Variants in AKAP6 observed in about 807,000 individuals in gnomAD.
AKAP6 encodes A-kinase anchoring protein 6, also known as A-kinase anchor protein 6.
AKAP6 carries 58 observed loss-of-function variants against 188.5 expected under a neutral mutation model. That is an observed-to-expected ratio of 0.31 (90% CI 0.25 to 0.38). The LOEUF (loss-of-function observed/expected upper bound fraction) is 0.38, where lower values mean the gene tolerates loss of function less well. Among genes scored for constraint, AKAP6 ranks in the 10% least tolerant of loss-of-function variants. The pLI, the probability that AKAP6 is intolerant of heterozygous loss-of-function variation, is 1.00. For synonymous variants in AKAP6, 989 were observed against 998.6 expected (o/e 0.99, Z 0.18); for missense variants, 2,710 against 2,740.0 (o/e 0.99, Z 0.24).
chr14:32,798,924 A>T (rs1309423247), intron 12 of AKAP6, among the ~76,000 whole-genome samples: 1 of 152,228 alleles, frequency 6.6e-6, no homozygotes, highest in Non-Finnish European at 1.5e-5. Flanking sequence ...TGGGAGGTTT[A>T]AATGAATTAA....
At chr14:32,597,750 A>C (rs1443134846) in intron 5 of AKAP6, among the ~76,000 whole-genome samples, 3 of 152,182 alleles carry the variant, frequency 2.0e-5, no homozygotes, top group Non-Finnish European at 2.9e-5. Context: ...TAGTCAGATG[A>C]AATGATTCAT....
In AKAP6 at chr14:32,353,948, G is replaced by A. The variant is rs556744619; in HGVS notation, c.-35+24540G>A. Among the ~76,000 whole-genome samples the A allele has an allele frequency of 2.3e-4, 35 of 152,184 alleles. No homozygotes were observed. The East Asian group carries it at 5.2e-3, about 23-fold the overall frequency. On this transcript the variant is annotated intron_variant, in intron 1 of 13. Coordinates refer to ENST00000280979, the MANE Select transcript of AKAP6 (RefSeq NM_004274.5). Reference sequence around the variant, plus strand: ...GGAGAACTACAAACCACTGCTCACCGAAATAAAAAAGGATACAAACAAATG... The same window carrying A: ...GGAGAACTACAAACCACTGCTCACCAAAATAAAAAAGGATACAAACAAATG...
At chr14:32,605,688 A>T (rs1886100399) in intron 7 of AKAP6, among the ~76,000 whole-genome samples, 1 of 152,192 alleles carries the variant, frequency 6.6e-6, no homozygotes, top group Non-Finnish European at 1.5e-5. Context: ...CTTAGCCATT[A>T]TGTCAGTCCT....
chr14:32,783,433 A>T lies in AKAP6; in HGVS notation c.3588+9540A>T, dbSNP rs150393638. ...TGTATGCATATTCTTATATCAAAGC[A>T]TAAAATTTTACATTGTAATATGTAT... On this transcript the variant is annotated intron_variant, in intron 12 of 13. Transcript: ENST00000280979. Among the ~76,000 whole-genome samples, 801 of 152,242 alleles carry T rather than the reference A, an allele frequency of 5.3e-3. 10 individuals are homozygous for T. The highest frequency in any genetic ancestry group is 0.018 in the African/African-American group (730 of 41,558).
intron 2 of AKAP6, among the ~76,000 whole-genome samples, chr14:32,472,306 G>A (rs2138864599): frequency 6.6e-6 from 1 of 152,258 alleles, no homozygotes; most frequent in Admixed American, 6.5e-5. Flanking sequence ...CTGAGGGCAA[G>A]TCCCAGGGAG....
chr14:32,532,748 C>T lies in AKAP6; in HGVS notation c.325-2806C>T, dbSNP rs533566964. On this transcript the variant is annotated intron_variant, in intron 2 of 13. Transcript: ENST00000280979. ...TAGCATCAAAGTGAGATGCCAGAGA[C>T]AGAGGCTAACAAATCTGAGTTATGA... Among the ~76,000 whole-genome samples, 461 of 152,262 alleles carry T rather than the reference C, an allele frequency of 3.0e-3. 1 individual carries two copies. Among genetic ancestry groups the T allele is most frequent in the Middle Eastern group, 0.02 (6 of 294 alleles).
At chr14:32,675,780 C>A (rs1475839609) in intron 7 of AKAP6, among the ~76,000 whole-genome samples, 4 of 152,200 alleles carry the variant, frequency 2.6e-5, no homozygotes, top group Non-Finnish European at 5.9e-5. Context: ...ACATTTCAAT[C>A]ATTTTGTAAG....
At chr14:32,661,730 C>T (rs1375119154) in intron 7 of AKAP6, among the ~76,000 whole-genome samples, 1 of 152,060 alleles carries the variant, frequency 6.6e-6, no homozygotes, top group Admixed American at 6.6e-5. Flanking sequence ...TAGAAAAGCA[C>T]TGGAGTTGGA....
At chr14:32,764,695 T>TACACACACAC (rs34290753) in intron 11 of AKAP6, among the ~76,000 whole-genome samples, 2 of 148,358 alleles carry the variant, frequency 1.3e-5, no homozygotes, top group East Asian at 2.0e-4. Context: ...ATGACAATAA[T>TACACACACAC]ACACACACAC....
chr14:32,408,824 C>A (rs1421120269), intron 1 of AKAP6, among the ~76,000 whole-genome samples: 1 of 152,076 alleles, frequency 6.6e-6, no homozygotes, highest in Non-Finnish European at 1.5e-5. Flanking sequence ...GTGGGGCTTT[C>A]TTATCCATGG....
intron 9 of AKAP6, among the ~76,000 whole-genome samples, chr14:32,709,725 TC>T (rs1162735021): frequency 6.6e-6 from 1 of 152,050 alleles, no homozygotes; most frequent in Non-Finnish European, 1.5e-5. Context: ...CTGAAAGTCT[TC>T]TTATTTCTAG....
intron 7 of AKAP6, among the ~76,000 whole-genome samples, chr14:32,651,052 T>C (rs1158584278): frequency 6.6e-6 from 1 of 152,180 alleles, no homozygotes; most frequent in Non-Finnish European, 1.5e-5. Context: ...CTAGAGATTG[T>C]GTTGCAAGAA....
At chr14:32,439,133 A>C (rs1237310433) in intron 2 of AKAP6, 1 of 152,210 alleles carries the variant, frequency 6.6e-6, no homozygotes, top group Middle Eastern at 3.2e-3. Context: ...TAGTCAACAG[A>C]GACTCTGTTT....
intron 2 of AKAP6, among the ~76,000 whole-genome samples, chr14:32,437,148 C>T (rs922744979): frequency 3.3e-5 from 5 of 152,070 alleles, no homozygotes; most frequent in South Asian, 2.1e-4. Context: ...GTTCCTTCTG[C>T]GGAGAAGCTC....
intron 12 of AKAP6, among the ~76,000 whole-genome samples, chr14:32,798,684 G>A (rs1363338173): frequency 3.3e-5 from 5 of 152,016 alleles, no homozygotes; most frequent in Non-Finnish European, 7.4e-5. Flanking sequence ...AGTACACATG[G>A]ACACAAAAAG....
At chr14:32,375,455 G>T (rs1439333260) in intron 1 of AKAP6, among the ~76,000 whole-genome samples, 1 of 151,630 alleles carries the variant, frequency 6.6e-6, no homozygotes, top group Non-Finnish European at 1.5e-5. Flanking sequence ...AGTGTATCAG[G>T]CTAGGGAATT....
At chr14:32,354,569 C>G (rs901339173) in intron 1 of AKAP6, among the ~76,000 whole-genome samples, 2 of 152,324 alleles carry the variant, frequency 1.3e-5, no homozygotes, top group Non-Finnish European at 2.9e-5. Flanking sequence ...TTATCCAGAT[C>G]TTAAACTTAT....
chr14:32,369,290 C>A (rs1224675106), intron 1 of AKAP6, among the ~76,000 whole-genome samples: 1 of 152,054 alleles, frequency 6.6e-6, no homozygotes, highest in Non-Finnish European at 1.5e-5. Flanking sequence ...TACAGTGTGG[C>A]ACCAAAAAAA....
chr14:32,763,756 A>G (rs990763371), intron 11 of AKAP6, among the ~76,000 whole-genome samples: 1 of 152,184 alleles, frequency 6.6e-6, no homozygotes, highest in Non-Finnish European at 1.5e-5. Context: ...TAGCTTCAAT[A>G]TAGATTAAGT....
Sources: gnomAD v4.1 joint callset for allele counts (sites outside exome capture counted in the v4.1 genomes callset) on GRCh38, gnomAD v4.1.1 for gene constraint, MANE v1.5 for transcripts, NCBI Gene and HGNC (gene_info 2026-07-23, HGNC 2026-07-21) for gene names.